CACNA1C: variants seen among roughly 807,000 people sequenced by gnomAD.
CACNA1C encodes the protein calcium voltage-gated channel subunit alpha1 C, also known as voltage-dependent L-type calcium channel subunit alpha-1C.
Under a neutral mutation model 229.0 loss-of-function variants are expected in CACNA1C, and 30 were observed. That is an observed-to-expected ratio of 0.13 (90% confidence interval 0.10 to 0.18). The LOEUF (loss-of-function observed/expected upper bound fraction) is 0.18, where lower values mean the gene tolerates loss of function less well. Among genes scored for constraint, CACNA1C ranks in the 10% least tolerant of loss-of-function variants. CACNA1C has a pLI of 1.00. For missense variants in CACNA1C, 1,658 were observed against 2,845.0 expected (o/e 0.58, Z 9.49); for synonymous variants, 1,114 against 1,132.5 (o/e 0.98, Z 0.33).
At chr12:2,001,366 A>G (rs949353780) in intron 1 of CACNA1C, among the ~76,000 whole-genome samples, 5 of 152,202 alleles carry the variant, frequency 3.3e-5, no homozygotes, top group African/African-American at 1.2e-4. Context: ...TAAATTTTAA[A>G]AGTACAATTT....
chr12:2,616,414 A>G (rs1228196179), intron 29 of CACNA1C, among the ~76,000 whole-genome samples: 3 of 152,210 alleles, frequency 2.0e-5, no homozygotes, highest in Non-Finnish European at 4.4e-5. Flanking sequence ...TGGGTTAGAC[A>G]GTCTCTCGCC....
chr12:2,082,630 C>T (rs1328597620), intron 1 of CACNA1C, among the ~76,000 whole-genome samples: 1 of 152,160 alleles, frequency 6.6e-6, no homozygotes, highest in Non-Finnish European at 1.5e-5. Context: ...CCCTGCCACA[C>T]TGAGATGCTC....
rs1264462109 is a variant in CACNA1C at position 2,297,692 on chromosome 12, T to C, written c.478-151284T>C. ...TGTGAGAATCTAGGGTCCTCTTTTA[T>C]GCTTAGTCTAAGTATCTACAGATAA... On this transcript the variant is annotated intron_variant, in intron 3 of 46. Coordinates refer to ENST00000399655, the MANE Select transcript of CACNA1C (RefSeq NM_000719.7). 2.0e-5 allele frequency among the ~76,000 whole-genome samples: 3 copies of C among 152,238 alleles called. No homozygotes were observed. In the East Asian group the frequency reaches 5.8e-4, roughly 29 times the overall value.
chr12:2,238,171 C>T (rs1030566590), intron 3 of CACNA1C, among the ~76,000 whole-genome samples: 1 of 152,186 alleles, frequency 6.6e-6, no homozygotes, highest in African/African-American at 2.4e-5. Context: ...GCAGAAGAAG[C>T]ATTTTTTGTT....
At chr12:2,133,624 G>C (rs1413172422) in intron 3 of CACNA1C, among the ~76,000 whole-genome samples, 1 of 17,192 alleles carries the variant, frequency 5.8e-5, no homozygotes, top group Admixed American at 5.6e-4. Context: ...CTTTGAGTGA[G>C]ATTCTTAATC....
Position 2,651,999 on chromosome 12 carries a change from T to G in CACNA1C, c.4074+231T>G, listed in dbSNP as rs915798136. 2.0e-5 allele frequency among the ~76,000 whole-genome samples: 3 copies of G among 151,930 alleles called. No individual in the cohort carries two copies. The highest frequency in any genetic ancestry group is 6.6e-5 in the Admixed American group (1 of 15,250). ...AGAAGGCCAGGTGGTAAAGGAGGGA[T>G]GGGAGCTAAGGGGAGGCAGAAAGGG... On this transcript the variant is annotated intron_variant, in intron 32 of 46. Coordinates refer to ENST00000399655, the MANE Select transcript of CACNA1C (RefSeq NM_000719.7). The surrounding 1 kb of genome is among the most constrained non-coding windows in gnomAD (Gnocchi z 5.4).
In CACNA1C at chr12:2,655,236, C is replaced by T; in HGVS notation, c.4230C>T (p.Phe1410=). ...QTFPQAVLLL[F]RCATGEAWQD... is the part of the protein sequence containing the mutation. ...TCCCCCAGGCCGTGCTGCTCCTCTTCAGGTGGGTCCCTGAAGACATAGGTG... is the reference window on the plus strand; with the variant it reads ...TCCCCCAGGCCGTGCTGCTCCTCTTTAGGTGGGTCCCTGAAGACATAGGTG... Residue 1410 remains phenylalanine, a splice_region_variant and synonymous_variant, in exon 34 of 47, where the codon TTC becomes TTT. Coordinates refer to ENST00000399655, the MANE Select transcript of CACNA1C (RefSeq NM_000719.7). 6.2e-7 allele frequency: 1 copy of T among 1,602,968 alleles called. No individual in the cohort carries two copies. The highest frequency in any genetic ancestry group is 2.2e-5 in the East Asian group (1 of 44,810).
chr12:2,679,777 T>A lies in CACNA1C; in HGVS notation c.5425T>A (p.Trp1809Arg). 1 of 1,571,804 alleles carries A rather than the reference T, an allele frequency of 6.4e-7. No homozygotes were observed. ...TGCCATCCGGGTGCAGGAGGTGGCGTGGAAGCTCAGCTCCAACAGGTAAGT... is the reference window on the plus strand; with the variant it reads ...TGCCATCCGGGTGCAGGAGGTGGCGAGGAAGCTCAGCTCCAACAGGTAAGT... The part of the protein sequence containing the change: ...SPAIRVQEVA[W>R]KLSSNRCHSR... Residue 1809 changes from tryptophan (W) to arginine (R), a missense_variant, in exon 42 of 47, where the codon TGG becomes AGG. By Grantham distance (101) the Trp-to-Arg change is moderately radical. Transcript: ENST00000399655. The surrounding 1 kb of genome is among the most constrained non-coding windows in gnomAD (Gnocchi z 5.5).
intron 3 of CACNA1C, among the ~76,000 whole-genome samples, chr12:2,338,002 C>T (rs923901761): frequency 6.6e-6 from 1 of 152,162 alleles, no homozygotes; most frequent in African/African-American, 2.4e-5. Context: ...GAATGACTGT[C>T]CCAGGATTAA....
intron 3 of CACNA1C, among the ~76,000 whole-genome samples, chr12:2,254,631 T>C (rs2076716098): frequency 6.6e-6 from 1 of 152,152 alleles, no homozygotes; most frequent in Non-Finnish European, 1.5e-5. Flanking sequence ...CCTGTCCCCT[T>C]TGCTGTTAAC....
intron 3 of CACNA1C, chr12:2,217,430 AT>A (rs2060258121): frequency 6.6e-6 from 1 of 152,224 alleles, no homozygotes; most frequent in South Asian, 2.1e-4. Flanking sequence ...ACATGTATAT[AT>A]TTTACCACAA....
chr12:2,564,724 G>A (rs138109238), intron 11 of CACNA1C, among the ~76,000 whole-genome samples: 22 of 152,250 alleles, frequency 1.4e-4, no homozygotes, highest in African/African-American at 5.3e-4. Flanking sequence ...CTCATCTCAA[G>A]GGACTATTGA....
chr12:2,054,021 C>T lies in CACNA1C; in HGVS notation c.49+410C>T, dbSNP rs1188971837. The stretch of plus-strand genomic sequence containing the variant: ...CAGAGGCCCGGGGTCCCTCGCCCGG[C>T]TCGGGGCGCGGCTGGGAGCGCGCGC... On this transcript the variant is annotated intron_variant, in intron 1 of 46. Coordinates refer to ENST00000399655, the MANE Select transcript of CACNA1C (RefSeq NM_000719.7). This position sits in a 1 kb window ranked among gnomAD's most constrained non-coding sequence, Gnocchi z 5.5. 2.0e-5 allele frequency among the ~76,000 whole-genome samples: 3 copies of T among 147,002 alleles called. No individual in the cohort carries two copies. The highest frequency in any genetic ancestry group is 7.3e-5 in the African/African-American group (3 of 40,904).
chr12:2,678,343 G>C lies in CACNA1C; in HGVS notation c.5091+476G>C, dbSNP rs766157909. 6.6e-6 allele frequency among the ~76,000 whole-genome samples: 1 copy of C among 152,160 alleles called. No individual in the cohort carries two copies. The highest frequency in any genetic ancestry group is 1.5e-5 in the Non-Finnish European group (1 of 68,024). Reference sequence around the variant, plus strand: ...AGAGGCGGTGGCCCTTTGAGATGGAGCATAGCGTGTGTTCTCCAGGTCTCC... The same window carrying C: ...AGAGGCGGTGGCCCTTTGAGATGGACCATAGCGTGTGTTCTCCAGGTCTCC... On this transcript the variant is annotated intron_variant, in intron 41 of 46. Transcript: ENST00000399655. This position sits in a 1 kb window ranked among gnomAD's most constrained non-coding sequence, Gnocchi z 4.1.
chr12:1,977,422 G>A (rs1212495219), intron 1 of CACNA1C, among the ~76,000 whole-genome samples: 2 of 152,152 alleles, frequency 1.3e-5, no homozygotes, highest in Non-Finnish European at 2.9e-5. Context: ...TCCAAGCAGC[G>A]TATCTTCAAA....
At chr12:2,596,594 C>T (rs138087567) in intron 20 of CACNA1C, among the ~76,000 whole-genome samples, 511 of 152,340 alleles carry the variant, frequency 3.4e-3, no homozygotes, top group Non-Finnish European at 5.7e-3. Flanking sequence ...ACTCTGCGCT[C>T]CTGGGGCCTG....
rs996388544 is a variant in CACNA1C, at chr12:2,633,944, C to T, written c.3829-353C>T. 1.5e-4 allele frequency among the ~76,000 whole-genome samples: 23 copies of T among 152,208 alleles called. No individual in the cohort carries two copies. Among genetic ancestry groups the T allele is most frequent in the African/African-American group, 4.8e-4 (20 of 41,454 alleles). ...TTTACCTCAGCTCTGCCCGGCGCTG[C>T]CGGGCTGGGGCGTGGAGCTGAGCAG... On this transcript the variant is annotated intron_variant, in intron 29 of 46. Transcript: ENST00000399655. This position sits in a 1 kb window ranked among gnomAD's most constrained non-coding sequence, Gnocchi z 5.8.
At chr12:2,061,421 G>T (rs904172542) in intron 1 of CACNA1C, among the ~76,000 whole-genome samples, 3 of 152,206 alleles carry the variant, frequency 2.0e-5, no homozygotes, top group Non-Finnish European at 2.9e-5. Context: ...AGGTGGTCTG[G>T]CTGATACCAG....
chr12:2,534,746 T>C (rs986357709), intron 9 of CACNA1C, among the ~76,000 whole-genome samples: 2 of 152,368 alleles, frequency 1.3e-5, no homozygotes, highest in South Asian at 4.1e-4. Flanking sequence ...TTTAGTGCAG[T>C]GCCCTCTAAA....
Sources: gnomAD v4.1 joint callset for allele counts (sites outside exome capture counted in the v4.1 genomes callset) on GRCh38, gnomAD v4.1.1 for gene constraint, Gnocchi (gnomAD v3.1) non-coding constraint, MANE v1.5 for transcripts, NCBI Gene and HGNC (gene_info 2026-07-23, HGNC 2026-07-21) for gene names.